The following CAST variants were observed in gnomAD, a reference collection of about 807,000 sequenced individuals.
CAST encodes calpastatin.
CAST carries 76 observed loss-of-function variants against 119.6 expected under a neutral mutation model. The observed-to-expected ratio is 0.64, with a 90% CI of 0.53 to 0.77. The LOEUF (loss-of-function observed/expected upper bound fraction) is 0.77. Ranked by LOEUF, CAST falls within the 30% of genes least tolerant of loss-of-function variation. The pLI is 0.00. For synonymous variants in CAST, 319 were observed against 331.6 expected (o/e 0.96, Z 0.41); for missense variants, 953 against 946.5 (o/e 1.01, Z -0.09).
chr5:96,519,295 A>G, the CAST span, among the ~76,000 whole-genome samples: 10 of 152,306 alleles, frequency 6.6e-5, no homozygotes, highest in South Asian at 1.7e-3. Context: ...AGTTATTATG[A>G]ATATTAAATT....
chr5:96,524,491 C>T (rs1745568381), upstream of CAST, among the ~76,000 whole-genome samples: 2 of 152,204 alleles, frequency 1.3e-5, no homozygotes, highest in Admixed American at 1.3e-4. Flanking sequence ...GAGACCAGGG[C>T]CACCATGCTC....
At chr5:96,137,648 C>T in the CAST span, among the ~76,000 whole-genome samples, 1 of 152,106 alleles carries the variant, frequency 6.6e-6, no homozygotes, top group South Asian at 2.1e-4. Flanking sequence ...TGCATCCTTG[C>T]TAGCAATAGG....
At chr5:96,264,662 G>GATGA in the CAST span, among the ~76,000 whole-genome samples, 1,947 of 152,292 alleles carry the variant, frequency 0.013, 9 homozygotes, top group Non-Finnish European at 0.019. Context: ...AAGTATGGAG[G>GATGA]ATGAATATTC....
At chr5:95,975,927 A>T in the CAST span, among the ~76,000 whole-genome samples, 4 of 152,138 alleles carry the variant, frequency 2.6e-5, no homozygotes, top group Admixed American at 1.3e-4. Context: ...AGGGGGAGTC[A>T]AATCTTGTGG....
At chr5:96,061,795 A>G in the CAST span, among the ~76,000 whole-genome samples, 1 of 152,104 alleles carries the variant, frequency 6.6e-6, no homozygotes, top group Non-Finnish European at 1.5e-5. Flanking sequence ...TCTGGGGAGA[A>G]GAATACAGAT....
intron 20 of CAST, among the ~76,000 whole-genome samples, chr5:96,752,848 G>T (rs1765416239): frequency 6.6e-6 from 1 of 151,630 alleles, no homozygotes; most frequent in Admixed American, 6.6e-5. Context: ...TTACATTTTT[G>T]TTTGACCAAG....
chr5:96,491,304 T>G, the CAST span, among the ~76,000 whole-genome samples: 1 of 143,640 alleles, frequency 7.0e-6, no homozygotes, highest in Non-Finnish European at 1.5e-5. Context: ...GCTAACACGG[T>G]GAAACCCCAT....
At chr5:96,449,919 T>C in the CAST span, among the ~76,000 whole-genome samples, 7 of 152,192 alleles carry the variant, frequency 4.6e-5, no homozygotes, top group African/African-American at 1.4e-4. Context: ...CTTGGTATTT[T>C]CCCTTGTTTT....
chr5:96,142,691 A>C, the CAST span, among the ~76,000 whole-genome samples: 1 of 152,190 alleles, frequency 6.6e-6, no homozygotes. Flanking sequence ...TACTCACATG[A>C]GAAGAGGTAT....
At chr5:95,965,929 A>G in the CAST span, among the ~76,000 whole-genome samples, 2 of 152,170 alleles carry the variant, frequency 1.3e-5, no homozygotes, top group Non-Finnish European at 2.9e-5. Context: ...ACATTGCATT[A>G]TTATTATTAT....
the CAST span, among the ~76,000 whole-genome samples, chr5:96,327,209 A>C: frequency 6.6e-6 from 1 of 152,206 alleles, no homozygotes; most frequent in Non-Finnish European, 1.5e-5. Context: ...ATTTGTTGTA[A>C]GGATTAGATC....
At chr5:96,535,209 C>A (rs1252622478) in intron 1 of CAST, among the ~76,000 whole-genome samples, 1 of 152,086 alleles carries the variant, frequency 6.6e-6, no homozygotes, top group African/African-American at 2.4e-5. Flanking sequence ...TAGCAAAAGT[C>A]AAAGAATGTT....
At chr5:96,266,349 G>T in the CAST span, among the ~76,000 whole-genome samples, 2 of 152,164 alleles carry the variant, frequency 1.3e-5, no homozygotes, top group Non-Finnish European at 2.9e-5. Context: ...CATGCCAGGA[G>T]AACTTTCCCT....
the CAST span, among the ~76,000 whole-genome samples, chr5:96,084,618 CTT>C: frequency 3.3e-5 from 5 of 152,168 alleles, no homozygotes; most frequent in Admixed American, 1.3e-4. Context: ...AGTGGGGAAA[CTT>C]AACCAAAAGA....
chr5:96,244,478 A>C, the CAST span, among the ~76,000 whole-genome samples: 1 of 152,344 alleles, frequency 6.6e-6, no homozygotes, highest in South Asian at 2.1e-4. Context: ...ATGGAAATAA[A>C]TAGCTGTTTC....
At chr5:96,653,969 CT>C (rs1561440011) in intron 1 of CAST, among the ~76,000 whole-genome samples, 1 of 151,066 alleles carries the variant, frequency 6.6e-6, no homozygotes, top group African/African-American at 2.4e-5. Flanking sequence ...TCTTCTTCCC[CT>C]CTCTCTTTTC....
chr5:96,021,473 T>A, the CAST span, among the ~76,000 whole-genome samples: 1 of 151,650 alleles, frequency 6.6e-6, no homozygotes, highest in Non-Finnish European at 1.5e-5. Context: ...TGAGATGGAG[T>A]CTCGCTCTGT....
the CAST span, among the ~76,000 whole-genome samples, chr5:96,036,850 A>G: frequency 6.6e-6 from 1 of 152,170 alleles, no homozygotes; most frequent in East Asian, 1.9e-4. Context: ...AAGTCAAATA[A>G]TTGCAAATTC....
intron 2 of CAST, among the ~76,000 whole-genome samples, chr5:96,683,679 A>T (rs1751716017): frequency 6.6e-6 from 1 of 152,134 alleles, no homozygotes; most frequent in Non-Finnish European, 1.5e-5. Flanking sequence ...AGTCTTCATA[A>T]TGTTGGTCAC....
Sources: gnomAD v4.1 joint callset for allele counts (sites outside exome capture counted in the v4.1 genomes callset) on GRCh38, gnomAD v4.1.1 for gene constraint, MANE v1.5 for transcripts, NCBI Gene and HGNC (gene_info 2026-07-23, HGNC 2026-07-21) for gene names.